The following CUX1 variants were observed in gnomAD, a reference collection of about 807,000 sequenced individuals.
The protein encoded by CUX1 is protein CASP.
In CUX1, 31 loss-of-function variants were observed where a neutral mutation model predicts 158.8. That is an observed-to-expected ratio of 0.20 (90% CI 0.15 to 0.26). The LOEUF (loss-of-function observed/expected upper bound fraction) is 0.26, where lower values mean the gene tolerates loss of function less well. Among genes scored for constraint, CUX1 ranks in the 10% least tolerant of loss-of-function variants. The pLI, the probability that CUX1 is intolerant of heterozygous loss-of-function variation, is 1.00. For missense variants in CUX1, 1,589 were observed against 2,014.6 expected (o/e 0.79, Z 4.04); for synonymous variants, 879 against 862.1 (o/e 1.02, Z -0.34).
intron 3 of CUX1, among the ~76,000 whole-genome samples, chr7:102,030,819 A>G (rs897969975): frequency 3.4e-5 from 5 of 147,774 alleles, no homozygotes; most frequent in African/African-American, 1.0e-4. Context: ...CCCTGCCCCC[A>G]CCGCCAGATA....
At chr7:101,857,037 G>A (rs1796922601) in intron 1 of CUX1, among the ~76,000 whole-genome samples, 1 of 152,184 alleles carries the variant, frequency 6.6e-6, no homozygotes, top group African/African-American at 2.4e-5. Flanking sequence ...TCCTGTTTCT[G>A]TTAGGACGAG....
chr7:102,046,840 C>G (rs1204497570), intron 3 of CUX1, among the ~76,000 whole-genome samples: 1 of 152,042 alleles, frequency 6.6e-6, no homozygotes, highest in Non-Finnish European at 1.5e-5. Context: ...AAAGGCCTCC[C>G]AAAGTGTTGG....
At chr7:102,216,576 ACACTCTCC>A (rs1797114481) in intron 20 of CUX1, among the ~76,000 whole-genome samples, 2 of 40,478 alleles carry the variant, frequency 4.9e-5, no homozygotes, top group Non-Finnish European at 1.2e-4. Flanking sequence ...TCCCACACAC[ACACTCTCC>A]CACACACACA....
In CUX1 at chr7:101,916,147, G is replaced by A. The variant is rs150487622; in HGVS notation, c.63G>A (p.Ala21=). 127 of 1,613,850 alleles carry A rather than the reference G, an allele frequency of 7.9e-5. No individual in the cohort carries two copies. The African/African-American group carries it at 1.0e-3, about 13-fold the overall frequency. The change falls in exon 2 of 24, where the codon GCG becomes GCA. Residue 21 remains alanine (A), a synonymous_variant. Transcript: ENST00000292535. The surrounding 1 kb of genome is among the most constrained non-coding windows in gnomAD (Gnocchi z 4.4). ...TCGATGCCACCGCAACGGTATTGGC[G>A]AACCGGCAGGATGAAAGTGAGCAGT... The part of the protein sequence containing the change: ...RELDATATVL[A]NRQDESEQSR...
In CUX1 at chr7:102,254,971, G is replaced by C; in HGVS notation, c.*5929G>C. 1.0e-6 allele frequency: 1 copy of C among 985,480 alleles called. No homozygotes were observed. Among genetic ancestry groups the C allele is most frequent in the Non-Finnish European group, 1.2e-6 (1 of 829,964 alleles). 61.0% of individuals were successfully genotyped at this position (985,480 alleles called of 1,614,324 possible). A position where few individuals can be genotyped will look rare whatever the true frequency, so the allele number is the denominator to read the frequency against. On this transcript the variant is annotated 3_prime_UTR_variant, in exon 24 of 24. Transcript: ENST00000292535. ...AAAGATCCAGTCTGTGAAACCCTTA[G>C]AGATGGGCTGAAAGTTAAGTCCACC...
chr7:102,079,222 G>A (rs184258906), intron 4 of CUX1, among the ~76,000 whole-genome samples: 2 of 152,296 alleles, frequency 1.3e-5, no homozygotes, highest in African/African-American at 4.8e-5. Context: ...CGGATCACCT[G>A]AGGTCAGGAG....
chr7:101,963,646 C>CTATG (rs1810782300), intron 2 of CUX1, among the ~76,000 whole-genome samples: 2 of 151,964 alleles, frequency 1.3e-5, no homozygotes. Flanking sequence ...CAACACAAGC[C>CTATG]TATGTATATA....
chr7:101,830,117 C>T lies in CUX1; in HGVS notation c.30+12448C>T, dbSNP rs759638300. On this transcript the variant is annotated intron_variant, in intron 1 of 23. Coordinates refer to ENST00000292535, the MANE Select transcript of CUX1 (RefSeq NM_181552.4). ...CTGGGGAGTGAATTGCCCGTAGATA[C>T]TGATACCTGTACTTAACCCTGTGAC... Among the ~76,000 whole-genome samples, 3 of 152,192 alleles carry T rather than the reference C, an allele frequency of 2.0e-5. No homozygotes were observed. The East Asian group carries it at 5.8e-4, about 29-fold the overall frequency.
chr7:102,042,991 C>T (rs182991263), intron 3 of CUX1, among the ~76,000 whole-genome samples: 1 of 152,068 alleles, frequency 6.6e-6, no homozygotes, highest in African/African-American at 2.4e-5. Context: ...AGTCTGGCTG[C>T]GTTGCCCAGG....
At chr7:102,219,092 A>ACACACACACAC (rs1473719939) in intron 20 of CUX1, among the ~76,000 whole-genome samples, 2 of 150,916 alleles carry the variant, frequency 1.3e-5, no homozygotes, top group African/African-American at 4.9e-5. Flanking sequence ...ACACACACAC[A>ACACACACACAC]CACTATGGCT....
chr7:102,277,939 C>A, intron 17 of CUX1: 4 of 1,319,028 alleles, frequency 3.0e-6, no homozygotes, highest in Admixed American at 2.3e-5. Flanking sequence ...CCTTGCCCCT[C>A]CCCCCCCAGG....
At chr7:102,046,948 A>G (rs934633450) in intron 3 of CUX1, among the ~76,000 whole-genome samples, 1 of 152,094 alleles carries the variant, frequency 6.6e-6, no homozygotes, top group Non-Finnish European at 1.5e-5. Flanking sequence ...AGAGTCGCCA[A>G]AGCGATCTTG....
At chr7:101,947,414 C>T (rs1296532469) in intron 2 of CUX1, among the ~76,000 whole-genome samples, 1 of 152,108 alleles carries the variant, frequency 6.6e-6, no homozygotes, top group Non-Finnish European at 1.5e-5. Context: ...ACCGAAAAAA[C>T]CACCTCACTA....
chr7:101,939,908 C>G lies in CUX1; in HGVS notation c.141+23683C>G, dbSNP rs1807493076. 4.6e-5 allele frequency among the ~76,000 whole-genome samples: 7 copies of G among 152,034 alleles called. No individual in the cohort carries two copies. The South Asian group carries it at 1.5e-3, about 32-fold the overall frequency. The stretch of plus-strand genomic sequence containing the variant: ...CCAGCCTGACCGACATGGTGAAACC[C>G]CATCTCTACTAAAAAGACAAAAATT... On this transcript the variant is annotated intron_variant, in intron 2 of 23. Transcript: ENST00000292535.
chr7:102,017,616 T>G (rs1818795980), intron 2 of CUX1, among the ~76,000 whole-genome samples: 1 of 152,120 alleles, frequency 6.6e-6, no homozygotes, highest in South Asian at 2.1e-4. Context: ...TAGGCCGAGA[T>G]GGGTGGATCA....
chr7:101,987,940 G>C (rs1814545159), intron 2 of CUX1, among the ~76,000 whole-genome samples: 1 of 152,214 alleles, frequency 6.6e-6, no homozygotes, highest in Non-Finnish European at 1.5e-5. Flanking sequence ...AGGCTGGGCT[G>C]CTGGCTCATG....
chr7:102,016,953 G>A (rs1818669383), intron 2 of CUX1, among the ~76,000 whole-genome samples: 1 of 152,174 alleles, frequency 6.6e-6, no homozygotes, highest in Non-Finnish European at 1.5e-5. Flanking sequence ...GTGAAATGGT[G>A]CCTTTGGGGT....
chr7:102,077,586 T>A (rs1293442301), intron 4 of CUX1, among the ~76,000 whole-genome samples: 1 of 150,308 alleles, frequency 6.7e-6, no homozygotes, highest in Admixed American at 6.6e-5. Flanking sequence ...TGTCTCTAGT[T>A]CAAGACCAGC....
intron 2 of CUX1, among the ~76,000 whole-genome samples, chr7:101,987,580 G>A (rs929586568): frequency 6.6e-6 from 1 of 152,222 alleles, no homozygotes; most frequent in South Asian, 2.1e-4. Flanking sequence ...GGATACCCCC[G>A]GGGTCCCTTA....
Sources: allele counts gnomAD v4.1 joint callset (sites outside exome capture counted in the v4.1 genomes callset), GRCh38; gene constraint gnomAD v4.1.1; non-coding constraint Gnocchi (gnomAD v3.1); transcripts MANE v1.5; gene names NCBI Gene and HGNC (gene_info 2026-07-23, HGNC 2026-07-21).